The following ERBIN variants were observed in gnomAD, a reference collection of about 807,000 sequenced individuals.
ERBIN encodes erbb2 interacting protein, also known as densin-180-like protein.
ERBIN carries 60 observed loss-of-function variants against 158.4 expected under a neutral mutation model. The ratio of observed to expected loss-of-function variants is 0.38; its 90% confidence interval spans 0.31 to 0.47. The LOEUF is 0.47. Ranked by LOEUF, ERBIN falls within the 20% of genes least tolerant of loss-of-function variation. The pLI, the probability that ERBIN is intolerant of heterozygous loss-of-function variation, is 0.99. For missense variants in ERBIN, 1,610 were observed against 1,648.0 expected (o/e 0.98, Z 0.40); for synonymous variants, 594 against 557.2 (o/e 1.07, Z -0.93).
At chr5:66,035,051 C>T (rs562048133) in intron 14 of ERBIN, among the ~76,000 whole-genome samples, 17 of 152,244 alleles carry the variant, frequency 1.1e-4, no homozygotes, top group African/African-American at 3.6e-4. Context: ...TTACCATACT[C>T]TGCTGGTTGT....
At chr5:66,031,749 T>G (rs1756901936) in intron 14 of ERBIN, among the ~76,000 whole-genome samples, 2 of 152,176 alleles carry the variant, frequency 1.3e-5, no homozygotes, top group East Asian at 3.8e-4. Context: ...GGAGGATCCT[T>G]TGAGCCCAGG....
intron 3 of ERBIN, among the ~76,000 whole-genome samples, chr5:65,993,711 G>C (rs751010944): frequency 2.0e-5 from 3 of 151,944 alleles, no homozygotes; most frequent in Non-Finnish European, 4.4e-5. Flanking sequence ...AGTATGTGTG[G>C]GCAGCATTTT....
At chr5:65,970,786 G>A (rs1749163290) in intron 1 of ERBIN, among the ~76,000 whole-genome samples, 1 of 151,960 alleles carries the variant, frequency 6.6e-6, no homozygotes, top group Non-Finnish European at 1.5e-5. Flanking sequence ...TTAGAGACAG[G>A]GTGTTGTTGT....
At chr5:65,998,755 C>T (rs1752704722) in intron 4 of ERBIN, among the ~76,000 whole-genome samples, 1 of 151,866 alleles carries the variant, frequency 6.6e-6, no homozygotes, top group Non-Finnish European at 1.5e-5. Context: ...AACTTAGCTG[C>T]ACATGGTGGC....
intron 14 of ERBIN, among the ~76,000 whole-genome samples, chr5:66,030,914 C>A (rs947152804): frequency 1.3e-5 from 2 of 152,032 alleles, no homozygotes; most frequent in Non-Finnish European, 2.9e-5. Context: ...GCAAATTATA[C>A]CAGATGGTTC....
At chr5:65,967,452 T>G (rs1748783044) in intron 1 of ERBIN, among the ~76,000 whole-genome samples, 1 of 152,186 alleles carries the variant, frequency 6.6e-6, no homozygotes, top group Non-Finnish European at 1.5e-5. Context: ...TTAGATATGT[T>G]TAAATACACA....
chr5:65,982,361 T>C (rs1470759200), intron 1 of ERBIN, among the ~76,000 whole-genome samples: 1 of 152,238 alleles, frequency 6.6e-6, no homozygotes, highest in Non-Finnish European at 1.5e-5. Flanking sequence ...CTTAGTGTTA[T>C]TATCCTAGAA....
At chr5:65,957,166 G>A (rs772491201) in intron 1 of ERBIN, among the ~76,000 whole-genome samples, 5 of 151,144 alleles carry the variant, frequency 3.3e-5, no homozygotes, top group Non-Finnish European at 7.4e-5. Context: ...AGTACAGATC[G>A]TCCCCAATTT....
intron 1 of ERBIN, among the ~76,000 whole-genome samples, chr5:65,927,186 T>C (rs1019916043): frequency 2.6e-5 from 4 of 152,260 alleles, no homozygotes; most frequent in African/African-American, 9.6e-5. Context: ...GGAAGAAAGT[T>C]TGGTCGCTGC....
intron 1 of ERBIN, among the ~76,000 whole-genome samples, chr5:65,959,230 T>G (rs1039856093): frequency 6.6e-6 from 1 of 152,198 alleles, no homozygotes; most frequent in African/African-American, 2.4e-5. Flanking sequence ...AATGGTAATT[T>G]GATCACTTAA....
rs1297335124 is a variant in ERBIN, at chr5:66,082,089, C to T, written c.*3559C>T. The T allele has an allele frequency of 6.6e-6, 1 of 152,064 alleles. No homozygotes were observed. The highest frequency in any genetic ancestry group is 1.5e-5 in the Non-Finnish European group (1 of 68,006). The allele number at this position is 152,064 out of a possible 1,614,324, so 9.4% of individuals were successfully genotyped here. ...GTTTTGGAAAGTTCTTAAGAGAATGCTATCTTCTACAGTCTCATGAAGCAG... is the reference window on the plus strand; with the variant it reads ...GTTTTGGAAAGTTCTTAAGAGAATGTTATCTTCTACAGTCTCATGAAGCAG... On this transcript the variant is annotated 3_prime_UTR_variant, in exon 26 of 26. Transcript: ENST00000284037.
At chr5:65,936,570 G>C (rs1744105467) in intron 1 of ERBIN, among the ~76,000 whole-genome samples, 1 of 152,182 alleles carries the variant, frequency 6.6e-6, no homozygotes, top group South Asian at 2.1e-4. Flanking sequence ...GGGACCCTAG[G>C]AGTCATCTTT....
At chr5:66,029,324 T>C (rs1561396883) in intron 14 of ERBIN, among the ~76,000 whole-genome samples, 1 of 152,240 alleles carries the variant, frequency 6.6e-6, no homozygotes, top group Admixed American at 6.5e-5. Context: ...AAAAAATTAA[T>C]GCTTATTATT....
At chr5:66,036,579 A>G (rs893759511) in intron 14 of ERBIN, among the ~76,000 whole-genome samples, 1 of 152,082 alleles carries the variant, frequency 6.6e-6, no homozygotes, top group African/African-American at 2.4e-5. Flanking sequence ...TACCCTGTCT[A>G]CCCTGTAATT....
intron 14 of ERBIN, among the ~76,000 whole-genome samples, chr5:66,030,974 G>T (rs1756807992): frequency 6.6e-6 from 1 of 152,132 alleles, no homozygotes; most frequent in Non-Finnish European, 1.5e-5. Flanking sequence ...CATATTTATA[G>T]TGTTCTCTCA....
chr5:66,037,218 GA>G (rs1216218040), intron 14 of ERBIN, among the ~76,000 whole-genome samples: 9 of 152,062 alleles, frequency 5.9e-5, no homozygotes, highest in African/African-American at 2.2e-4. Flanking sequence ...CGTGACTTTG[GA>G]AAAATTTGGT....
At chr5:66,046,180 C>G (rs1014384875) in intron 17 of ERBIN, among the ~76,000 whole-genome samples, 173 bp from the exon 18 acceptor site, 5 of 152,108 alleles carry the variant, frequency 3.3e-5, no homozygotes, top group Admixed American at 3.3e-4. Context: ...GCCACGTGCT[C>G]CTAAAATGAG....
At chr5:65,949,720 C>A (rs1374603811) in intron 1 of ERBIN, among the ~76,000 whole-genome samples, 1 of 152,198 alleles carries the variant, frequency 6.6e-6, no homozygotes, top group African/African-American at 2.4e-5. Flanking sequence ...TGATAAAATA[C>A]TATTAATTAA....
At chr5:65,952,105 A>G (rs920464963) in intron 1 of ERBIN, among the ~76,000 whole-genome samples, 7 of 152,234 alleles carry the variant, frequency 4.6e-5, no homozygotes, top group African/African-American at 9.6e-5. Context: ...GGCCCTAAGT[A>G]TAATTGAACG....
Sources: gnomAD v4.1 joint callset for allele counts (sites outside exome capture counted in the v4.1 genomes callset) on GRCh38, gnomAD v4.1.1 for gene constraint, MANE v1.5 for transcripts, NCBI Gene and HGNC (gene_info 2026-07-23, HGNC 2026-07-21) for gene names.